Variants in CSMD1 observed in about 807,000 individuals in gnomAD.
The protein encoded by CSMD1 is CUB and Sushi multiple domains 1, also known as CUB and sushi domain-containing protein 1.
A neutral mutation model predicts 417.5 loss-of-function variants in CSMD1; 213 were observed. That is an observed-to-expected ratio of 0.51 (90% CI 0.46 to 0.57). The LOEUF is 0.57. Among genes scored for constraint, CSMD1 ranks in the 20% least tolerant of loss-of-function variants. The probability of loss-of-function intolerance (pLI) is 0.00; values close to 1 mark genes in which losing one functional copy is unlikely to be tolerated. For missense variants in CSMD1, 6,923 were observed against 4,529.7 expected (o/e 1.53, Z -15.17); for synonymous variants, 2,862 against 1,736.8 (o/e 1.65, Z -16.11).
At chr8:4,264,296 A>T (rs1233950352) in intron 3 of CSMD1, among the ~76,000 whole-genome samples, 1 of 152,214 alleles carries the variant, frequency 6.6e-6, no homozygotes, top group Non-Finnish European at 1.5e-5. Flanking sequence ...TATTGTACGT[A>T]GAATTTCAAA....
At chr8:4,119,772 A>G (rs980431635) in intron 3 of CSMD1, among the ~76,000 whole-genome samples, 5 of 152,188 alleles carry the variant, frequency 3.3e-5, no homozygotes, top group African/African-American at 9.7e-5. Context: ...ATTTTGCTAC[A>G]GCAGCCTGAG....
At chr8:4,069,060 C>T (rs1799407413) in intron 3 of CSMD1, among the ~76,000 whole-genome samples, 1 of 152,130 alleles carries the variant, frequency 6.6e-6, no homozygotes, top group Non-Finnish European at 1.5e-5. Context: ...AGACTATTTA[C>T]TCCTTCTTAA....
chr8:3,112,201 G>C (rs1360544671), intron 42 of CSMD1, among the ~76,000 whole-genome samples: 1 of 152,046 alleles, frequency 6.6e-6, no homozygotes, highest in African/African-American at 2.4e-5. Context: ...TGATAAATTG[G>C]TGAATTAGAG....
chr8:3,555,448 C>T (rs1427949773), intron 10 of CSMD1, among the ~76,000 whole-genome samples: 2 of 152,100 alleles, frequency 1.3e-5, no homozygotes, highest in South Asian at 2.1e-4. Flanking sequence ...GGTCAGGTGG[C>T]CCTGGCAGGT....
chr8:3,185,724 G>A (rs1293852791), intron 36 of CSMD1, among the ~76,000 whole-genome samples: 2 of 152,172 alleles, frequency 1.3e-5, no homozygotes, highest in East Asian at 1.9e-4. Context: ...AACGTGGCAA[G>A]ACACATACTT....
chr8:3,382,410 T>C (rs1045137689), intron 18 of CSMD1, among the ~76,000 whole-genome samples: 19 of 143,170 alleles, frequency 1.3e-4, no homozygotes, highest in African/African-American at 4.6e-4. Context: ...TATTATATAA[T>C]ATATAACACA....
intron 1 of CSMD1, among the ~76,000 whole-genome samples, chr8:4,844,590 T>C (rs1227706729): frequency 6.6e-6 from 1 of 152,198 alleles, no homozygotes; most frequent in Admixed American, 6.5e-5. Context: ...TGGACACAGA[T>C]TGCTTTTTCT....
intron 3 of CSMD1, among the ~76,000 whole-genome samples, chr8:4,319,726 G>C (rs1585224118): frequency 6.6e-6 from 1 of 152,084 alleles, no homozygotes; most frequent in Non-Finnish European, 1.5e-5. Context: ...AGAGGAAAAA[G>C]AACTGAGACT....
At chr8:4,581,857 C>G (rs1001066036) in intron 2 of CSMD1, among the ~76,000 whole-genome samples, 3 of 152,216 alleles carry the variant, frequency 2.0e-5, no homozygotes, top group Non-Finnish European at 4.4e-5. Context: ...AATCTCTGGA[C>G]TCTTCTACCT....
chr8:3,399,420 T>A lies in CSMD1; in HGVS notation c.2376A>T (p.Pro792=). The A allele has an allele frequency of 6.2e-7, 1 of 1,606,634 alleles. No individual in the cohort carries two copies. The highest frequency in any genetic ancestry group is 1.3e-5 in the African/African-American group (1 of 74,852). The change falls in exon 16 of 70, where the codon CCA becomes CCT. Residue 792 remains proline (P), a synonymous_variant. Coordinates refer to ENST00000635120, the MANE Select transcript of CSMD1 (RefSeq NM_033225.6). ...LHCEWIIEAK[P]GHSIKITFDR... Reference sequence around the variant, plus strand: ...CAAAAGTTATTTTGATAGAGTGGCCTGGTTTTGCTTCAATTATCCATTCAC... The same window carrying A: ...CAAAAGTTATTTTGATAGAGTGGCCAGGTTTTGCTTCAATTATCCATTCAC...
chr8:3,312,484 T>C (rs1805426328), intron 23 of CSMD1, among the ~76,000 whole-genome samples: 1 of 152,176 alleles, frequency 6.6e-6, no homozygotes, highest in Admixed American at 6.5e-5. Context: ...TTGAAAGTAT[T>C]TGGCCATTCT....
chr8:3,282,575 A>C (rs944514492), intron 26 of CSMD1, among the ~76,000 whole-genome samples: 4 of 152,146 alleles, frequency 2.6e-5, no homozygotes, highest in Non-Finnish European at 5.9e-5. Context: ...ATAATTTTGG[A>C]GTAAAGGACT....
chr8:4,741,156 A>G (rs1315585444), intron 1 of CSMD1, among the ~76,000 whole-genome samples: 2 of 152,154 alleles, frequency 1.3e-5, no homozygotes, highest in Non-Finnish European at 2.9e-5. Context: ...CTTCTTTTTC[A>G]AGCACACTAG....
At chr8:4,894,143 CTATTT>C (rs1804318148) in intron 1 of CSMD1, among the ~76,000 whole-genome samples, 1 of 152,032 alleles carries the variant, frequency 6.6e-6, no homozygotes, top group Non-Finnish European at 1.5e-5. Context: ...AAAATTATCT[CTATTT>C]TAACAGTGAA....
intron 3 of CSMD1, among the ~76,000 whole-genome samples, chr8:4,343,263 G>C (rs535419603): frequency 6.6e-6 from 1 of 152,254 alleles, no homozygotes; most frequent in East Asian, 1.9e-4. Context: ...GAGGTTGCCA[G>C]TGGTTGTGGG....
intron 51 of CSMD1, among the ~76,000 whole-genome samples, chr8:3,022,757 G>A (rs1195167407): frequency 6.6e-6 from 1 of 152,056 alleles, no homozygotes; most frequent in Non-Finnish European, 1.5e-5. Flanking sequence ...GTGTGAGCAG[G>A]GAGGGGCTCT....
chr8:3,095,889 C>T (rs1318531148), intron 47 of CSMD1, among the ~76,000 whole-genome samples: 2 of 152,072 alleles, frequency 1.3e-5, no homozygotes, highest in Non-Finnish European at 2.9e-5. Flanking sequence ...GCAAAAAAAT[C>T]ATAAGACTAT....
chr8:3,165,420 T>A (rs1412904213), intron 37 of CSMD1, among the ~76,000 whole-genome samples: 1 of 151,798 alleles, frequency 6.6e-6, no homozygotes, highest in South Asian at 2.1e-4. Context: ...AATTTTTATT[T>A]TTTATTTATT....
At chr8:2,999,793 T>C (rs1807237678) in intron 53 of CSMD1, among the ~76,000 whole-genome samples, 165 bp downstream of exon 53, 2 of 151,942 alleles carry the variant, frequency 1.3e-5, no homozygotes, top group Admixed American at 1.3e-4. Flanking sequence ...AAGGAAAGCG[T>C]GAACATGGCA....
Sources: gnomAD v4.1 joint callset for allele counts (sites outside exome capture counted in the v4.1 genomes callset) on GRCh38, gnomAD v4.1.1 for gene constraint, MANE v1.5 for transcripts, NCBI Gene and HGNC (gene_info 2026-07-23, HGNC 2026-07-21) for gene names.